Variants in DLGAP1 observed in about 807,000 individuals in gnomAD.
DLGAP1 encodes the protein DLG associated protein 1.
A neutral mutation model predicts 90.8 loss-of-function variants in DLGAP1; 11 were observed. The ratio of observed to expected loss-of-function variants is 0.12; its 90% CI spans 0.08 to 0.20. DLGAP1 has a LOEUF of 0.20. Ranked by LOEUF, DLGAP1 falls within the 10% of genes least tolerant of loss-of-function variation. The probability of loss-of-function intolerance (pLI) is 1.00; values close to 1 mark genes in which losing one functional copy is unlikely to be tolerated. For synonymous variants in DLGAP1, 558 were observed against 540.7 expected (o/e 1.03, Z -0.44); for missense variants, 1,050 against 1,333.8 (o/e 0.79, Z 3.31).
At chr18:3,990,575 T>C (rs2073944783) in intron 3 of DLGAP1, among the ~76,000 whole-genome samples, 1 of 150,700 alleles carries the variant, frequency 6.6e-6, no homozygotes, top group Non-Finnish European at 1.5e-5. Context: ...ATGGCACATG[T>C]ATACATATGT....
intron 2 of DLGAP1, among the ~76,000 whole-genome samples, chr18:4,041,180 C>G (rs1186349606): frequency 6.6e-6 from 1 of 152,186 alleles, no homozygotes; most frequent in African/African-American, 2.4e-5. Flanking sequence ...ATCTAGAAAT[C>G]TGGTTTTGCA....
chr18:3,879,303 C>A lies in DLGAP1; in HGVS notation c.766G>T (p.Asp256Tyr). 3 of 1,596,872 alleles carry A rather than the reference C, an allele frequency of 1.9e-6. No homozygotes were observed. The highest frequency in any genetic ancestry group is 2.6e-6 in the Non-Finnish European group (3 of 1,171,180). The change falls in exon 4 of 13, where the codon GAC (aspartate) becomes TAC (tyrosine). Residue 256 changes from aspartate to tyrosine, a missense_variant. By Grantham distance (160) the Asp-to-Tyr change is radical (BLOSUM62 -3). Coordinates refer to ENST00000315677, the MANE Select transcript of DLGAP1 (RefSeq NM_004746.4). The surrounding 1 kb of genome is among the most constrained non-coding windows in gnomAD (Gnocchi z 6.6). The stretch of plus-strand genomic sequence containing the variant: ...TTGGCGCAGGTGGAGCACTTGACGT[C>A]GTTGTTGCTCCGGGAGGCCTTCACC... ...QAVKASRSNN[D>Y]VKCSTCANLP...
chr18:4,165,156 A>T (rs1598520846), intron 1 of DLGAP1, among the ~76,000 whole-genome samples: 1 of 152,324 alleles, frequency 6.6e-6, no homozygotes, highest in African/African-American at 2.4e-5. Context: ...CAAACAAGAT[A>T]AACCCCAAAA....
chr18:3,582,033 TG>T lies in DLGAP1; in HGVS notation c.1806del (p.Ile603SerfsTer29). 6.2e-7 allele frequency: 1 copy of T among 1,613,404 alleles called. No homozygotes were observed. ...TGGATCTGGGCGTTTGCAGCTTCGA[TG>T]GCGGCTGTCAGAGCCTTCATACTGT... ...SLDSMKALTA[A>X]IEAANAQIHG... On this transcript the variant is annotated frameshift_variant, in exon 8 of 13. Transcript: ENST00000315677. LOFTEE classifies it high-confidence loss of function.
intron 1 of DLGAP1, among the ~76,000 whole-genome samples, chr18:4,269,545 G>A (rs376971536): frequency 2.6e-4 from 40 of 151,466 alleles, no homozygotes; most frequent in Admixed American, 7.2e-4. Flanking sequence ...TAGTAGAGAC[G>A]GGGTTTCACC....
At chr18:3,771,892 T>C (rs906293190) in intron 5 of DLGAP1, among the ~76,000 whole-genome samples, 2 of 152,040 alleles carry the variant, frequency 1.3e-5, no homozygotes, top group Admixed American at 6.6e-5. Context: ...ACAAGATAAA[T>C]TTCTAACGCT....
intron 1 of DLGAP1, among the ~76,000 whole-genome samples, chr18:4,440,652 A>C (rs2083514922): frequency 6.6e-6 from 1 of 152,228 alleles, no homozygotes; most frequent in Admixed American, 6.5e-5. Flanking sequence ...GAAAGATATA[A>C]GCCATTTCAC....
rs1269792358 is a variant in DLGAP1 at position 4,454,882 on chromosome 18, C to T, written c.-267+124G>A. 15 of 151,430 alleles carry T rather than the reference C, an allele frequency of 9.9e-5. No individual in the cohort carries two copies. Among genetic ancestry groups the T allele is most frequent in the Middle Eastern group, 6.8e-3 (2 of 292 alleles). The allele number at this position is 151,430 out of a possible 1,614,324, so 9.4% of individuals were successfully genotyped here. A position where few individuals can be genotyped will look rare whatever the true frequency, so the allele number is the denominator to read the frequency against. On this transcript the variant is annotated intron_variant, in intron 1 of 12. Transcript: ENST00000315677. This position sits in a 1 kb window ranked among gnomAD's most constrained non-coding sequence, Gnocchi z 4.7. ...GAGCCAGCGGCCGGGGGAGCCCAGC[C>T]CGCAGCCCCTCCGCGGGCGAGGGAA... is the stretch of plus-strand genomic sequence containing the variant.
intron 7 of DLGAP1, among the ~76,000 whole-genome samples, chr18:3,643,480 G>A (rs891341675): frequency 2.6e-5 from 4 of 151,866 alleles, no homozygotes; most frequent in East Asian, 1.9e-4. Context: ...TGGCTAACAC[G>A]GTGAAACCTC....
At chr18:4,070,026 A>T (rs569583352) in intron 2 of DLGAP1, among the ~76,000 whole-genome samples, 1 of 150,608 alleles carries the variant, frequency 6.6e-6, no homozygotes, top group Non-Finnish European at 1.5e-5. Context: ...TCTGTCGTCT[A>T]GGCTGGAGTG....
intron 2 of DLGAP1, among the ~76,000 whole-genome samples, chr18:4,024,592 A>G (rs889820266): frequency 2.0e-5 from 3 of 152,198 alleles, no homozygotes; most frequent in East Asian, 3.9e-4. Flanking sequence ...TCACGTGGCC[A>G]CATCTGTCTA....
At position 4,454,849 on chromosome 18, in the gene DLGAP1, G is replaced by A. The variant is rs1346419806; in HGVS notation, c.-267+157C>T. Among the ~76,000 whole-genome samples, 3 of 151,366 alleles carry A rather than the reference G, an allele frequency of 2.0e-5. No individual in the cohort carries two copies. Among genetic ancestry groups the A allele is most frequent in the African/African-American group, 7.2e-5 (3 of 41,446 alleles). The stretch of plus-strand genomic sequence containing the variant: ...GGGCGGCTGAAAGGGTAAGGAGCGC[G>A]GACTCTCGAGCCAGCGGCCGGGGGA... On this transcript the variant is annotated intron_variant, in intron 1 of 12. Transcript: ENST00000315677. This position sits in a 1 kb window ranked among gnomAD's most constrained non-coding sequence, Gnocchi z 4.7.
intron 7 of DLGAP1, among the ~76,000 whole-genome samples, chr18:3,623,361 C>G (rs2058169423): frequency 6.6e-6 from 1 of 152,188 alleles, no homozygotes; most frequent in East Asian, 1.9e-4. Context: ...TTCACGAGCC[C>G]TGACATTATC....
At chr18:4,423,309 C>T (rs1425668199) in intron 1 of DLGAP1, among the ~76,000 whole-genome samples, 3 of 152,144 alleles carry the variant, frequency 2.0e-5, no homozygotes, top group Admixed American at 2.0e-4. Flanking sequence ...GCAGTGCTCA[C>T]AGGCAGAACA....
rs897398177 is a variant in DLGAP1 at position 3,727,407 on chromosome 18, G to A, written c.1591+1728C>T. 6.6e-6 allele frequency among the ~76,000 whole-genome samples: 1 copy of A among 152,172 alleles called. No homozygotes were observed. On this transcript the variant is annotated intron_variant, in intron 7 of 12. Coordinates refer to ENST00000315677, the MANE Select transcript of DLGAP1 (RefSeq NM_004746.4). This position sits in a 1 kb window ranked among gnomAD's most constrained non-coding sequence, Gnocchi z 4.7. ...CTCTTGCTACTTTATCTGCAACACC[G>A]TTTCCTGAGGCGGAAGGAGTGAGCC...
chr18:3,677,441 C>T (rs1462732305), intron 7 of DLGAP1, among the ~76,000 whole-genome samples: 1 of 152,196 alleles, frequency 6.6e-6, no homozygotes, highest in Non-Finnish European at 1.5e-5. Context: ...TCTTCCCTAC[C>T]AGTTATATCC....
chr18:3,976,566 A>C (rs1352943225), intron 3 of DLGAP1, among the ~76,000 whole-genome samples: 1 of 152,148 alleles, frequency 6.6e-6, no homozygotes, highest in Non-Finnish European at 1.5e-5. Flanking sequence ...GTTACTGGGC[A>C]GTCTTTGTAA....
At chr18:4,066,968 A>T (rs1568378201) in intron 2 of DLGAP1, among the ~76,000 whole-genome samples, 1 of 152,326 alleles carries the variant, frequency 6.6e-6, no homozygotes, top group East Asian at 1.9e-4. Context: ...AATGTGGTAC[A>T]TATACACCAT....
At chr18:3,939,236 T>C (rs1392746375) in intron 3 of DLGAP1, among the ~76,000 whole-genome samples, 1 of 151,728 alleles carries the variant, frequency 6.6e-6, no homozygotes, top group Non-Finnish European at 1.5e-5. Flanking sequence ...CTGGCCAACA[T>C]GGTGAAATCC....
Sources: allele counts gnomAD v4.1 joint callset (sites outside exome capture counted in the v4.1 genomes callset), GRCh38; gene constraint gnomAD v4.1.1; non-coding constraint Gnocchi (gnomAD v3.1); transcripts MANE v1.5; gene names NCBI Gene and HGNC (gene_info 2026-07-23, HGNC 2026-07-21).